The following WWOX variants were observed in gnomAD, a reference collection of about 807,000 sequenced individuals.
The protein encoded by WWOX is WW domain containing oxidoreductase, also known as WW domain-containing oxidoreductase.
Under a neutral mutation model 46.2 loss-of-function variants are expected in WWOX, and 69 were observed. The ratio of observed to expected loss-of-function variants is 1.49; its 90% CI spans 1.23 to 1.82. WWOX has a LOEUF of 1.82. WWOX is among the 40% of genes most tolerant of loss of function. The pLI is 0.00. For missense variants in WWOX, 919 were observed against 542.6 expected (o/e 1.69, Z -6.89); for synonymous variants, 359 against 202.6 (o/e 1.77, Z -6.56).
chr16:79,196,448 C>T (rs1276245039), intron 8 of WWOX: 1 of 149,024 alleles, frequency 6.7e-6, no homozygotes, highest in Non-Finnish European at 1.5e-5. Flanking sequence ...GCTGGAAGCT[C>T]CTGGAGGCCC....
At chr16:79,107,074 G>A (rs149996546) in intron 8 of WWOX, among the ~76,000 whole-genome samples, 1 of 152,114 alleles carries the variant, frequency 6.6e-6, no homozygotes, top group East Asian at 1.9e-4. Flanking sequence ...GTCTCCCAAA[G>A]TGCTGGGATT....
chr16:78,931,706 C>G (rs2045627606), intron 8 of WWOX, among the ~76,000 whole-genome samples: 1 of 152,186 alleles, frequency 6.6e-6, no homozygotes, highest in Non-Finnish European at 1.5e-5. Flanking sequence ...TTAGTATTTT[C>G]CAACTGTTCA....
intron 5 of WWOX, among the ~76,000 whole-genome samples, chr16:78,198,968 C>T (rs1047315066): frequency 1.3e-5 from 2 of 152,152 alleles, no homozygotes; most frequent in South Asian, 2.1e-4. Context: ...TTCTTTTCCC[C>T]TTTCACCCGT....
chr16:78,248,083 A>G (rs543148472), intron 5 of WWOX, among the ~76,000 whole-genome samples: 1 of 152,276 alleles, frequency 6.6e-6, no homozygotes, highest in South Asian at 2.1e-4. Flanking sequence ...GTATTAGTTC[A>G]TTCTTGCACT....
chr16:78,744,873 G>C (rs1474705818), intron 8 of WWOX, among the ~76,000 whole-genome samples: 4 of 152,166 alleles, frequency 2.6e-5, no homozygotes, highest in Non-Finnish European at 5.9e-5. Flanking sequence ...AAGCAAAGAA[G>C]AGCAACACTC....
At chr16:78,894,279 C>T (rs1244696947) in intron 8 of WWOX, among the ~76,000 whole-genome samples, 2 of 152,064 alleles carry the variant, frequency 1.3e-5, no homozygotes, top group South Asian at 2.1e-4. Flanking sequence ...ACACACACAT[C>T]TAATTGTTGT....
chr16:78,108,076 G>A (rs532195000), intron 1 of WWOX, among the ~76,000 whole-genome samples: 1 of 151,602 alleles, frequency 6.6e-6, no homozygotes, highest in African/African-American at 2.4e-5. Flanking sequence ...CTACAGGCAC[G>A]TGCCACTGTC....
chr16:78,955,291 G>C (rs2046142386), intron 8 of WWOX, among the ~76,000 whole-genome samples: 1 of 152,110 alleles, frequency 6.6e-6, no homozygotes, highest in African/African-American at 2.4e-5. Flanking sequence ...CCCTAAAATA[G>C]ATATTCTCCA....
intron 8 of WWOX, among the ~76,000 whole-genome samples, chr16:78,794,283 C>T (rs769894950): frequency 7.7e-4 from 117 of 152,296 alleles, no homozygotes; most frequent in Non-Finnish European, 1.2e-3. Context: ...CTTGGACTTC[C>T]CAGCTTCCAG....
chr16:78,922,586 C>T lies in WWOX; in HGVS notation c.1057-289022C>T, dbSNP rs560471670. Among the ~76,000 whole-genome samples the T allele has an allele frequency of 3.9e-5, 6 of 152,134 alleles. 1 individual carries two copies. The highest frequency in any genetic ancestry group is 8.8e-5 in the Non-Finnish European group (6 of 68,026). ...TAGAGACAGGGTTTCACCATGTTGC[C>T]CAGGCTGCTCTCGAGCTCCTGACCT... On this transcript the variant is annotated intron_variant, in intron 8 of 8. Transcript: ENST00000566780.
At chr16:78,705,942 G>C (rs536313121) in intron 8 of WWOX, among the ~76,000 whole-genome samples, 2 of 152,276 alleles carry the variant, frequency 1.3e-5, no homozygotes, top group Admixed American at 1.3e-4. Flanking sequence ...AGGAATGTTT[G>C]AGTGTGGAAC....
intron 8 of WWOX, among the ~76,000 whole-genome samples, chr16:78,452,742 G>T (rs547377528): frequency 6.6e-6 from 1 of 151,794 alleles, no homozygotes; most frequent in Admixed American, 6.6e-5. Flanking sequence ...CTCCCGAAGT[G>T]CTGGGATTAC....
chr16:78,876,067 G>A (rs906337122), intron 8 of WWOX, among the ~76,000 whole-genome samples: 1 of 152,092 alleles, frequency 6.6e-6, no homozygotes, highest in African/African-American at 2.4e-5. Context: ...ATGGACAGCT[G>A]CCAACCTGCT....
rs551261721 is a variant in WWOX at position 78,314,611 on chromosome 16, A to C, written c.517-72249A>C. Among the ~76,000 whole-genome samples the C allele has an allele frequency of 4.7e-5, 6 of 127,146 alleles. No individual in the cohort carries two copies. The East Asian group carries it at 1.4e-3, about 30-fold the overall frequency. The allele number at this position is 127,146 out of a possible 152,430, so 83.4% of individuals were successfully genotyped here. On this transcript the variant is annotated intron_variant, in intron 5 of 8. Coordinates refer to ENST00000566780, the MANE Select transcript of WWOX (RefSeq NM_016373.4). Reference sequence around the variant, plus strand: ...GTGATACTGGCTCACTGCAACCTCTACCTCCTGGGTTCAAGCGATTCTTCT... The same window carrying C: ...GTGATACTGGCTCACTGCAACCTCTCCCTCCTGGGTTCAAGCGATTCTTCT...
intron 8 of WWOX, among the ~76,000 whole-genome samples, chr16:78,811,656 C>A (rs1307592416): frequency 6.6e-6 from 1 of 152,056 alleles, no homozygotes; most frequent in Non-Finnish European, 1.5e-5. Flanking sequence ...CAGGCATGAG[C>A]CATCATGCCC....
chr16:78,465,228 A>G (rs971310422), intron 8 of WWOX, among the ~76,000 whole-genome samples: 1 of 152,276 alleles, frequency 6.6e-6, no homozygotes, highest in African/African-American at 2.4e-5. Flanking sequence ...AATCATAAAA[A>G]TTGCTATTTC....
intron 8 of WWOX, among the ~76,000 whole-genome samples, chr16:79,023,283 C>T (rs995621102): frequency 2.0e-5 from 3 of 152,216 alleles, no homozygotes; most frequent in African/African-American, 4.8e-5. Flanking sequence ...TTATGCATTG[C>T]ATGTCTCTGT....
chr16:79,144,237 A>T (rs2050143688), intron 8 of WWOX, among the ~76,000 whole-genome samples: 1 of 152,158 alleles, frequency 6.6e-6, no homozygotes, highest in South Asian at 2.1e-4. Flanking sequence ...CAGGATTTTC[A>T]TCCCAGCTCT....
chr16:78,225,937 C>G (rs908434852), intron 5 of WWOX, among the ~76,000 whole-genome samples: 20 of 152,262 alleles, frequency 1.3e-4, no homozygotes, highest in African/African-American at 4.3e-4. Flanking sequence ...TGTTTTCACT[C>G]AGGACTTTAA....
Sources: allele counts gnomAD v4.1 joint callset (sites outside exome capture counted in the v4.1 genomes callset), GRCh38; gene constraint gnomAD v4.1.1; transcripts MANE v1.5; gene names NCBI Gene and HGNC (gene_info 2026-07-23, HGNC 2026-07-21).